SQLE: variants seen among roughly 807,000 people sequenced by gnomAD.
SQLE encodes squalene monooxygenase.
In SQLE, 29 loss-of-function variants were observed where a neutral mutation model predicts 60.7. The ratio of observed to expected loss-of-function variants is 0.48; its 90% CI spans 0.36 to 0.65. The LOEUF (loss-of-function observed/expected upper bound fraction) is 0.65, where lower values mean the gene tolerates loss of function less well. SQLE is among the 30% of genes least tolerant of loss of function. The pLI, the probability that SQLE is intolerant of heterozygous loss-of-function variation, is 0.00. For missense variants in SQLE, 605 were observed against 684.1 expected (o/e 0.88, Z 1.29); for synonymous variants, 237 against 246.8 (o/e 0.96, Z 0.37).
rs1814783255 is a variant in SQLE at position 124,998,585 on chromosome 8, C to T, written c.-819C>T. 1 of 685,908 alleles carries T rather than the reference C, an allele frequency of 1.5e-6. No homozygotes were observed. The highest frequency in any genetic ancestry group is 1.8e-5 in the African/African-American group (1 of 55,614). The allele number at this position is 685,908 out of a possible 1,614,324, so 42.5% of individuals were successfully genotyped here. ...GGGGCCGCGCCGCGCTGGCGAGAGC[C>T]GCCGCCCGCGAGGGATGCTGGTGAG... On this transcript the variant is annotated 5_prime_UTR_variant, in exon 1 of 11. Transcript: ENST00000265896.
intron 7 of SQLE, among the ~76,000 whole-genome samples, chr8:125,011,927 C>G (rs534338667): frequency 6.7e-6 from 1 of 149,058 alleles, no homozygotes; most frequent in African/African-American, 2.5e-5. Context: ...TAAATAAAAC[C>G]CACAGATTCA....
chr8:125,002,538 A>G (rs1814871686), intron 1 of SQLE, among the ~76,000 whole-genome samples: 2 of 152,088 alleles, frequency 1.3e-5, no homozygotes, highest in South Asian at 4.2e-4. Flanking sequence ...TTAGCCGGGC[A>G]TGGTTGCACA....
At position 124,998,614 on chromosome 8, in the gene SQLE, G is replaced by C. The variant is rs1185318868; in HGVS notation, c.-790G>C. The C allele has an allele frequency of 1.5e-6, 1 of 684,346 alleles. No homozygotes were observed. The highest frequency in any genetic ancestry group is 1.8e-5 in the African/African-American group (1 of 55,524). 42.4% of individuals were successfully genotyped at this position (684,346 alleles called of 1,614,324 possible). On this transcript the variant is annotated 5_prime_UTR_variant, in exon 1 of 11. Transcript: ENST00000265896. ...GCCCGCGAGGGATGCTGGTGAGGAA[G>C]CCGTCGGGAGCCGCCGCCGCCATCT...
In SQLE at chr8:125,016,174, A is replaced by AT; in HGVS notation, c.1205-1879dup. On this transcript the variant is annotated intron_variant, in intron 7 of 10. Coordinates refer to ENST00000265896, the MANE Select transcript of SQLE (RefSeq NM_003129.4). The surrounding 1 kb of genome is among the most constrained non-coding windows in gnomAD (Gnocchi z 4.1). ...CTCTAGATTTGGGAAGTTCTCTGTT[A>AT]TTTTTTCTTCAAATAAACTTTCTAC... is the stretch of plus-strand genomic sequence containing the variant. Among the ~76,000 whole-genome samples, 1 of 148,530 alleles carries AT rather than the reference A, an allele frequency of 6.7e-6. No individual in the cohort carries two copies. The highest frequency in any genetic ancestry group is 2.0e-4 in the East Asian group (1 of 5,062).
In SQLE at chr8:125,003,073, A is replaced by C. The variant is rs943598000; in HGVS notation, c.292-103A>C. ...TTTGGTTTGATAATATTTAGTATCTAGCTTTAGCCTAGGATGCAAAAGTCC... is the reference window on the plus strand; with the variant it reads ...TTTGGTTTGATAATATTTAGTATCTCGCTTTAGCCTAGGATGCAAAAGTCC... On this transcript the variant is annotated intron_variant, in intron 1 of 10. Coordinates refer to ENST00000265896, the MANE Select transcript of SQLE (RefSeq NM_003129.4). 13 of 1,071,438 alleles carry C rather than the reference A, an allele frequency of 1.2e-5. No homozygotes were observed. The African/African-American group carries it at 1.6e-4, about 13-fold the overall frequency. 66.4% of individuals were successfully genotyped at this position (1,071,438 alleles called of 1,614,324 possible).
chr8:125,018,705 T>C lies in SQLE; in HGVS notation c.1422T>C (p.Tyr474=). Residue 474 remains tyrosine, a synonymous_variant, in exon 9 of 11, where the codon TAT becomes TAC. Coordinates refer to ENST00000265896, the MANE Select transcript of SQLE (RefSeq NM_003129.4). ...FVVNILAQAL[Y]ELFSATDDSL... ...TGAATATCCTTGCTCAGGCTCTTTATGAATTATTTTCTGCCACAGATGGTA... is the reference window on the plus strand; with the variant it reads ...TGAATATCCTTGCTCAGGCTCTTTACGAATTATTTTCTGCCACAGATGGTA... The C allele has an allele frequency of 2.5e-6, 4 of 1,603,298 alleles. No homozygotes were observed. The highest frequency in any genetic ancestry group is 3.4e-6 in the Non-Finnish European group (4 of 1,176,768).
intron 9 of SQLE, among the ~76,000 whole-genome samples, chr8:125,020,190 C>G (rs1250670583): frequency 6.6e-6 from 1 of 152,122 alleles, no homozygotes; most frequent in African/African-American, 2.4e-5. Flanking sequence ...AAAAGTTTAC[C>G]TGTTGCATCC....
At chr8:125,012,004 T>C (rs1815046758) in intron 7 of SQLE, among the ~76,000 whole-genome samples, 1 of 151,664 alleles carries the variant, frequency 6.6e-6, no homozygotes, top group Admixed American at 6.6e-5. Flanking sequence ...GGGAGGACGT[T>C]GTTCAGGAAA....
Position 125,021,937 on chromosome 8 carries a change from G to T in SQLE, c.1717G>T (p.Val573Phe). The T allele has an allele frequency of 1.3e-6, 2 of 1,593,498 alleles. No homozygotes were observed. The highest frequency in any genetic ancestry group is 2.3e-5 in the South Asian group (2 of 87,636). The stretch of plus-strand genomic sequence containing the variant: ...AATTTACTCAGAAATGAAGTATATG[G>T]TTCATTAAGCTTAAAGGGGAACCAT... Reference protein sequence around the residue: ...PLIYSEMKYMVH With the variant: ...PLIYSEMKYMFH Residue 573 changes from valine (V) to phenylalanine (F), a missense_variant, in exon 11 of 11, where the codon GTT becomes TTT. Coordinates refer to ENST00000265896, the MANE Select transcript of SQLE (RefSeq NM_003129.4).
intron 9 of SQLE, 64 bp from the exon 10 acceptor site, chr8:125,020,720 A>T: frequency 1.0e-6 from 1 of 986,310 alleles, no homozygotes; most frequent in Non-Finnish European, 1.6e-6. Context: ...ATTTTTTCTG[A>T]TATATCATTA....
intron 5 of SQLE, 31 bp from the exon 6 acceptor site, chr8:125,009,141 T>G: frequency 6.4e-7 from 1 of 1,572,888 alleles, no homozygotes; most frequent in Non-Finnish European, 8.6e-7. Context: ...ATTTGAAAAT[T>G]ATTAAAACAT....
At position 124,999,305 on chromosome 8, in the gene SQLE, T is replaced by C. The variant is rs1206241803; in HGVS notation, c.-99T>C. 1 of 1,240,218 alleles carries C rather than the reference T, an allele frequency of 8.1e-7. No individual in the cohort carries two copies. The highest frequency in any genetic ancestry group is 2.3e-5 in the South Asian group (1 of 43,248). The allele number at this position is 1,240,218 out of a possible 1,614,324, so 76.8% of individuals were successfully genotyped here. ...CTGTTTACTGGAGTCTGGCCGGCTCTCCGTGCTCCTCTTGGTACCTCATTT... is the reference window on the plus strand; with the variant it reads ...CTGTTTACTGGAGTCTGGCCGGCTCCCCGTGCTCCTCTTGGTACCTCATTT... On this transcript the variant is annotated 5_prime_UTR_variant, in exon 1 of 11. Coordinates refer to ENST00000265896, the MANE Select transcript of SQLE (RefSeq NM_003129.4).
rs1464574282 is a variant in SQLE, at chr8:125,009,340, C to A, written c.1105C>A (p.Pro369Thr). The change falls in exon 6 of 11, where the codon CCT becomes ACT. Residue 369 changes from proline to threonine, a missense_variant. Transcript: ENST00000265896. Reference sequence around the variant, plus strand: ...GGTTGAAAAAATTTACCCACAAATACCTGGTAAGAAATAGCATCTTCAGTT... The same window carrying A: ...GGTTGAAAAAATTTACCCACAAATAACTGGTAAGAAATAGCATCTTCAGTT... ...YMVEKIYPQIPDHLKEPFLEA... is the reference protein window; with the variant it reads ...YMVEKIYPQITDHLKEPFLEA... 2 of 1,610,276 alleles carry A rather than the reference C, an allele frequency of 1.2e-6. No individual in the cohort carries two copies. Among genetic ancestry groups the A allele is most frequent in the Admixed American group, 1.7e-5 (1 of 59,656 alleles).
chr8:125,000,960 C>T (rs1409502048), intron 1 of SQLE, among the ~76,000 whole-genome samples: 1 of 152,114 alleles, frequency 6.6e-6, no homozygotes, highest in Non-Finnish European at 1.5e-5. Context: ...TTCCATTAGA[C>T]GGGAATGGCA....
At chr8:125,018,868 T>A (rs1375666224) in intron 9 of SQLE, 141 bp downstream of exon 9, 2 of 627,994 alleles carry the variant, frequency 3.2e-6, no homozygotes, top group Middle Eastern at 8.7e-4. Context: ...TTTTTAAAAT[T>A]CCATTTTGAG....
intron 2 of SQLE, among the ~76,000 whole-genome samples, chr8:125,004,097 C>T (rs916768003): frequency 2.6e-5 from 4 of 152,126 alleles, no homozygotes; most frequent in African/African-American, 7.2e-5. Context: ...CAGTCAATAC[C>T]ATATTTGAAC....
At chr8:125,004,045 A>T (rs764982393) in intron 2 of SQLE, among the ~76,000 whole-genome samples, 1 of 152,094 alleles carries the variant, frequency 6.6e-6, no homozygotes, top group African/African-American at 2.4e-5. Context: ...CACATTGGGG[A>T]TTAGAGTTTT....
At chr8:125,007,777 A>G (rs1814977686) in intron 4 of SQLE, among the ~76,000 whole-genome samples, 1 of 152,232 alleles carries the variant, frequency 6.6e-6, no homozygotes, top group Non-Finnish European at 1.5e-5. Flanking sequence ...GATTAGAGAT[A>G]CTCAGCCTGT....
intron 7 of SQLE, 158 bp from the exon 8 acceptor site, chr8:125,017,900 AT>A: frequency 1.2e-6 from 1 of 828,116 alleles, no homozygotes; most frequent in Non-Finnish European, 1.8e-6. Flanking sequence ...CAACTCTTGA[AT>A]TTTTGCCTCA....
Sources: allele counts gnomAD v4.1 joint callset (sites outside exome capture counted in the v4.1 genomes callset), GRCh38; gene constraint gnomAD v4.1.1; non-coding constraint Gnocchi (gnomAD v3.1); transcripts MANE v1.5; gene names NCBI Gene and HGNC (gene_info 2026-07-23, HGNC 2026-07-21).